EPB41L3: variants seen among roughly 807,000 people sequenced by gnomAD.
The protein encoded by EPB41L3 is band 4.1-like protein 3.
A neutral mutation model predicts 127.1 loss-of-function variants in EPB41L3; 57 were observed. The ratio of observed to expected loss-of-function variants is 0.45; its 90% CI spans 0.36 to 0.56. The LOEUF (loss-of-function observed/expected upper bound fraction) is 0.56, where lower values mean the gene tolerates loss of function less well. EPB41L3 is among the 20% of genes least tolerant of loss of function. The probability of loss-of-function intolerance (pLI) is 0.00; values close to 1 mark genes in which losing one functional copy is unlikely to be tolerated. For synonymous variants in EPB41L3, 572 were observed against 549.5 expected (o/e 1.04, Z -0.57); for missense variants, 1,273 against 1,372.2 (o/e 0.93, Z 1.14).
At position 5,570,390 on chromosome 18, in the gene EPB41L3, G is replaced by A. The variant is rs566830258; in HGVS notation, c.-306+41950C>T. Among the ~76,000 whole-genome samples, 3 of 152,234 alleles carry A rather than the reference G, an allele frequency of 2.0e-5. No individual in the cohort carries two copies. The East Asian group carries it at 5.8e-4, about 29-fold the overall frequency. ...ATGGCATTTTGCACAAGAGAATCAA[G>A]TTATACTGAAGAGGAAAGGTGTTGC... On this transcript the variant is annotated intron_variant, in intron 3 of 21. Coordinates refer to the EPB41L3 transcript ENST00000545076.
At chr18:5,611,940 C>T (rs1198244105) in intron 3 of EPB41L3, among the ~76,000 whole-genome samples, 2 of 151,864 alleles carry the variant, frequency 1.3e-5, no homozygotes, top group African/African-American at 2.4e-5. Flanking sequence ...GCCTGGGTGA[C>T]AAAGAAAAAG....
chr18:5,564,519 T>G (rs1320748185), intron 3 of EPB41L3, among the ~76,000 whole-genome samples: 1 of 152,034 alleles, frequency 6.6e-6, no homozygotes, highest in Non-Finnish European at 1.5e-5. Flanking sequence ...AAGGTTGGGA[T>G]TATGGAGCCG....
intron 1 of EPB41L3, among the ~76,000 whole-genome samples, chr18:5,491,603 A>C (rs2090602899): frequency 6.6e-6 from 1 of 152,222 alleles, no homozygotes; most frequent in Non-Finnish European, 1.5e-5. Context: ...GTACCATATA[A>C]TACCTTACCT....
At chr18:5,629,195 C>A (rs1425314573), upstream of EPB41L3, among the ~76,000 whole-genome samples, 59 of 152,220 alleles carry the variant, frequency 3.9e-4, no homozygotes, top group Admixed American at 3.8e-3. Flanking sequence ...CCCCCACCCG[C>A]ACCCTTTGGC....
chr18:5,450,421 G>A (rs1015503507), intron 3 of EPB41L3, among the ~76,000 whole-genome samples: 2 of 150,408 alleles, frequency 1.3e-5, no homozygotes, highest in Admixed American at 1.3e-4. Context: ...TAAAAATAGG[G>A]GATCCTTCCT....
intron 8 of EPB41L3, among the ~76,000 whole-genome samples, chr18:5,430,227 A>G (rs1188494573): frequency 1.3e-5 from 2 of 152,088 alleles, no homozygotes; most frequent in Non-Finnish European, 2.9e-5. Flanking sequence ...GTGTCCCCAA[A>G]TCAAACTGTT....
chr18:5,491,177 G>C (rs139891721), intron 1 of EPB41L3, among the ~76,000 whole-genome samples: 35 of 152,282 alleles, frequency 2.3e-4, no homozygotes, highest in African/African-American at 7.9e-4. Context: ...ACTCACCCTA[G>C]ATTTCCCTTT....
intron 16 of EPB41L3, among the ~76,000 whole-genome samples, chr18:5,401,763 C>T (rs2143294636): frequency 6.6e-6 from 1 of 152,072 alleles, no homozygotes; most frequent in Admixed American, 6.6e-5. Flanking sequence ...TAGGTTTTTG[C>T]TTTTTAACTT....
rs1174063961 is a variant in EPB41L3 at position 5,454,133 on chromosome 18, G to A, written c.382-8889C>T. ...TTCCTGGGCTTCCTTTTTTTCTAAC[G>A]AATTCTTGATAGAAAAATACTCTAT... On this transcript the variant is annotated intron_variant, in intron 3 of 22. Coordinates refer to ENST00000341928, the MANE Select transcript of EPB41L3 (RefSeq NM_012307.5). Among the ~76,000 whole-genome samples the A allele has an allele frequency of 8.6e-5, 13 of 150,942 alleles. 1 individual carries two copies. The highest frequency in any genetic ancestry group is 1.9e-4 in the Non-Finnish European group (13 of 67,882).
At chr18:5,462,940 T>C (rs1308415890) in intron 3 of EPB41L3, among the ~76,000 whole-genome samples, 1 of 152,234 alleles carries the variant, frequency 6.6e-6, no homozygotes, top group Non-Finnish European at 1.5e-5. Context: ...ACTTTTTCTC[T>C]TGTATTCTAC....
chr18:5,398,480 G>T, intron 16 of EPB41L3: 1 of 423,150 alleles, frequency 2.4e-6, no homozygotes, highest in Non-Finnish European at 4.1e-6. Context: ...TGCTGACTTT[G>T]CACTGCGGTA....
rs111274175 is a variant in EPB41L3 at position 5,416,319 on chromosome 18, G to C, written c.1566C>G (p.Pro522=). The C allele has an allele frequency of 6.2e-7, 1 of 1,613,896 alleles. No individual in the cohort carries two copies. The highest frequency in any genetic ancestry group is 1.3e-5 in the African/African-American group (1 of 74,888). The change falls in exon 13 of 23, where the codon CCC becomes CCG. Residue 522 remains proline (P), a synonymous_variant. Transcript: ENST00000341928. ...TCCTACGGAGCTCTGTGGGAGATGTGGGGGCACAATGGGTGGATGGGGGTG... is the reference window on the plus strand; with the variant it reads ...TCCTACGGAGCTCTGTGGGAGATGTCGGGGCACAATGGGTGGATGGGGGTG... ...PLSPPSTHCA[P]TSPTELRRRC...
chr18:5,557,152 C>G (rs544713966), intron 3 of EPB41L3, among the ~76,000 whole-genome samples: 85 of 152,250 alleles, frequency 5.6e-4, no homozygotes, highest in Non-Finnish European at 1.0e-3. Context: ...TGGGACGAAG[C>G]AGCCAGGAAT....
chr18:5,530,444 A>T (rs2093373975), intron 1 of EPB41L3, among the ~76,000 whole-genome samples: 1 of 152,106 alleles, frequency 6.6e-6, no homozygotes, highest in Admixed American at 6.6e-5. Flanking sequence ...ACATCTGACC[A>T]CGTCTTCCAA....
chr18:5,446,560 A>G (rs1405705538), intron 3 of EPB41L3, among the ~76,000 whole-genome samples: 1 of 152,258 alleles, frequency 6.6e-6, no homozygotes. Context: ...GAGAAATATG[A>G]AAATTGATCA....
At chr18:5,428,643 T>C (rs2078557078) in intron 8 of EPB41L3, among the ~76,000 whole-genome samples, 178 bp from the exon 9 acceptor site, 1 of 152,192 alleles carries the variant, frequency 6.6e-6, no homozygotes. Context: ...AAGATGTTTA[T>C]CACTATGGAG....
intron 1 of EPB41L3, among the ~76,000 whole-genome samples, chr18:5,515,725 A>C (rs1360389023): frequency 6.6e-6 from 1 of 152,256 alleles, no homozygotes; most frequent in African/African-American, 2.4e-5. Flanking sequence ...TCAAAAAATA[A>C]GAGGAAGCAG....
chr18:5,596,507 A>G (rs1204413019), intron 3 of EPB41L3, among the ~76,000 whole-genome samples: 1 of 152,202 alleles, frequency 6.6e-6, no homozygotes, highest in African/African-American at 2.4e-5. Context: ...CAGGTCTCCT[A>G]TGAGTTTCTG....
At chr18:5,414,699 G>A (rs9959505) in intron 13 of EPB41L3, among the ~76,000 whole-genome samples, 11,099 of 152,116 alleles carry the variant, frequency 0.073, 757 homozygotes, top group African/African-American at 0.18. Context: ...GGGGAGGGGC[G>A]CGCATGACAG....
Sources: gnomAD v4.1 joint callset for allele counts (sites outside exome capture counted in the v4.1 genomes callset) on GRCh38, gnomAD v4.1.1 for gene constraint, MANE v1.5 for transcripts, NCBI Gene and HGNC (gene_info 2026-07-23, HGNC 2026-07-21) for gene names.